The following ECSCR variants were observed in gnomAD, a reference collection of about 807,000 sequenced individuals.
ECSCR encodes endothelial cell-specific chemotaxis regulator.
ECSCR carries 12 observed loss-of-function variants against 16.7 expected under a neutral mutation model. The observed-to-expected ratio is 0.72, with a 90% CI of 0.46 to 1.17. The LOEUF is 1.17. ECSCR is among the 50% of genes most tolerant of loss of function. The pLI, the probability that ECSCR is intolerant of heterozygous loss-of-function variation, is 0.00. For missense variants in ECSCR, 122 were observed against 116.1 expected (o/e 1.05, Z -0.23); for synonymous variants, 44 against 42.2 (o/e 1.04, Z -0.17).
chr5:139,449,255 C>A, intron 8 of ECSCR, 81 bp from the exon 9 acceptor site: 4 of 1,022,340 alleles, frequency 3.9e-6, no homozygotes, highest in Admixed American at 2.2e-5. Context: ...GGTTGTTGAG[C>A]CTTAGACCTT....
In ECSCR at chr5:139,449,072, A is replaced by G; in HGVS notation, c.609+6T>C. 1 of 1,536,806 alleles carries G rather than the reference A, an allele frequency of 6.5e-7. No homozygotes were observed. The highest frequency in any genetic ancestry group is 1.7e-4 in the Middle Eastern group (1 of 5,992). On this transcript the variant is annotated splice_donor_region_variant and intron_variant, in intron 9 of 9. Transcript: ENST00000618155. ...GGGAAGGAAGGCAGGAAACAGAAAAATGTACCTTCTCTGCTGAGAGACTTT... is the reference window on the plus strand; with the variant it reads ...GGGAAGGAAGGCAGGAAACAGAAAAGTGTACCTTCTCTGCTGAGAGACTTT...
At chr5:139,451,240 T>C (rs1751036374) in intron 8 of ECSCR, among the ~76,000 whole-genome samples, 1 of 146,518 alleles carries the variant, frequency 6.8e-6, no homozygotes, top group Admixed American at 6.8e-5. Flanking sequence ...ATGGGGTGTG[T>C]GGGGTGTGTG....
chr5:139,455,266 A>T, intron 6 of ECSCR, 57 bp downstream of exon 6: 1 of 398,228 alleles, frequency 2.5e-6, no homozygotes, highest in Admixed American at 4.4e-5. Context: ...CCAGAGTCCA[A>T]GTTAATTCCA....
intron 1 of ECSCR, among the ~76,000 whole-genome samples, chr5:139,461,576 G>A (rs1230933215): frequency 6.6e-6 from 1 of 152,200 alleles, no homozygotes; most frequent in Non-Finnish European, 1.5e-5. Flanking sequence ...GCCACCTCAT[G>A]AGCTTCACCT....
chr5:139,450,922 A>C (rs1241115416), intron 8 of ECSCR, among the ~76,000 whole-genome samples: 1 of 152,208 alleles, frequency 6.6e-6, no homozygotes, highest in Non-Finnish European at 1.5e-5. Flanking sequence ...TTATATTAGA[A>C]TCTGAATTCC....
chr5:139,459,136 G>T (rs1751235435), intron 1 of ECSCR, among the ~76,000 whole-genome samples: 1 of 152,136 alleles, frequency 6.6e-6, no homozygotes, highest in Non-Finnish European at 1.5e-5. Flanking sequence ...GAAGATCAAT[G>T]ACCTGCCACA....
chr5:139,451,925 G>A (rs1238278714), intron 8 of ECSCR, among the ~76,000 whole-genome samples: 2 of 148,750 alleles, frequency 1.3e-5, no homozygotes, highest in African/African-American at 5.0e-5. Context: ...GGTGTATGGG[G>A]CATGTTGTGT....
At chr5:139,458,356 C>T (rs1751209604) in intron 1 of ECSCR, 173 bp from the exon 2 acceptor site, 1 of 167,262 alleles carries the variant, frequency 6.0e-6, no homozygotes, top group Non-Finnish European at 1.2e-5. Flanking sequence ...TCTCCAGGCA[C>T]AGTAGTGCAC....
chr5:139,462,332 TAA>T (rs1306956342), intron 1 of ECSCR, among the ~76,000 whole-genome samples: 5 of 152,162 alleles, frequency 3.3e-5, no homozygotes, highest in African/African-American at 4.8e-5. Context: ...GGTCTTGCAC[TAA>T]CACAGCTCCC....
chr5:139,458,038 C>A, intron 2 of ECSCR, 101 bp downstream of exon 2: 1 of 1,358,414 alleles, frequency 7.4e-7, no homozygotes, highest in South Asian at 1.3e-5. Context: ...AGCTGCGGCC[C>A]CAGCCCCCTG....
At chr5:139,451,976 ATG>A (rs1329830600) in intron 8 of ECSCR, among the ~76,000 whole-genome samples, 2 of 129,116 alleles carry the variant, frequency 1.5e-5, no homozygotes, top group Non-Finnish European at 3.3e-5. Context: ...TATAGGGTGT[ATG>A]TGTGGTGCAT....
chr5:139,451,438 G>A lies in ECSCR; in HGVS notation c.513-2264C>T, dbSNP rs1751046199. 2.7e-5 allele frequency among the ~76,000 whole-genome samples: 4 copies of A among 149,354 alleles called. No homozygotes were observed. The South Asian group carries it at 8.5e-4, about 32-fold the overall frequency. ...TGGGTGTGTGGTGTGTGTGTAGTAT[G>A]AGGTATGTGTGTAGTATGAGGTACG... On this transcript the variant is annotated intron_variant, in intron 8 of 9. Coordinates refer to ENST00000618155, the MANE Select transcript of ECSCR (RefSeq NM_001077693.4).
intron 8 of ECSCR, among the ~76,000 whole-genome samples, chr5:139,451,555 C>G (rs1230830783): frequency 2.4e-5 from 2 of 82,088 alleles, no homozygotes; most frequent in Admixed American, 1.2e-4. Context: ...GTATAGGGTA[C>G]GGGGTGTGTG....
intron 1 of ECSCR, among the ~76,000 whole-genome samples, chr5:139,461,555 C>A (rs1310039255): frequency 6.6e-6 from 1 of 152,198 alleles, no homozygotes. Context: ...AAAGTCTCGG[C>A]CTGTGAAAAT....
intron 1 of ECSCR, 114 bp downstream of exon 1, chr5:139,462,496 C>T: frequency 9.0e-7 from 1 of 1,105,516 alleles, no homozygotes; most frequent in Non-Finnish European, 1.3e-6. Flanking sequence ...TCTGGAATTT[C>T]CCCTGGGCAC....
intron 8 of ECSCR, 34 bp downstream of exon 8, chr5:139,454,568 G>A: frequency 2.5e-6 from 1 of 398,092 alleles, no homozygotes; most frequent in Non-Finnish European, 4.4e-6. Context: ...TTGGGGTCTG[G>A]GTGTCAGATA....
chr5:139,458,510 A>C (rs1333010471), intron 1 of ECSCR, among the ~76,000 whole-genome samples: 10 of 12,974 alleles, frequency 7.7e-4, no homozygotes, highest in African/African-American at 1.1e-3. Flanking sequence ...CAAAAAAAAA[A>C]AAAAAAAAAA....
chr5:139,457,690 C>A (rs1034778236), intron 3 of ECSCR, 67 bp downstream of exon 3: 10 of 1,583,890 alleles, frequency 6.3e-6, no homozygotes, highest in African/African-American at 2.7e-5. Flanking sequence ...AACCCCTGGG[C>A]TCCAAGCAGG....
At chr5:139,459,518 T>G (rs1751245346) in intron 1 of ECSCR, among the ~76,000 whole-genome samples, 1 of 152,204 alleles carries the variant, frequency 6.6e-6, no homozygotes, top group African/African-American at 2.4e-5. Context: ...CAAATGTATG[T>G]GCATGCTCGT....
Sources: allele counts gnomAD v4.1 joint callset (sites outside exome capture counted in the v4.1 genomes callset), GRCh38; gene constraint gnomAD v4.1.1; transcripts MANE v1.5; gene names NCBI Gene and HGNC (gene_info 2026-07-23, HGNC 2026-07-21).